Variants in ANKS1B observed in about 807,000 individuals in gnomAD.
The protein encoded by ANKS1B is ankyrin repeat and sterile alpha motif domain-containing protein 1B.
Under a neutral mutation model 148.3 loss-of-function variants are expected in ANKS1B, and 36 were observed. The observed-to-expected ratio is 0.24, with a 90% CI of 0.19 to 0.32. The LOEUF is 0.32. ANKS1B is among the 10% of genes least tolerant of loss of function. ANKS1B has a pLI of 1.00. For missense variants in ANKS1B, 1,157 were observed against 1,542.6 expected (o/e 0.75, Z 4.19); for synonymous variants, 542 against 560.8 (o/e 0.97, Z 0.47).
At position 99,460,732 on chromosome 12, in the gene ANKS1B, C is replaced by CA. The variant is rs201364516; in HGVS notation, c.1439-16924dup. Among the ~76,000 whole-genome samples the CA allele has an allele frequency of 2.2e-3, 313 of 142,488 alleles. 1 individual carries two copies. The highest frequency in any genetic ancestry group is 9.8e-3 in the South Asian group (44 of 4,496). 93.5% of individuals were successfully genotyped at this position (142,488 alleles called of 152,430 possible). ...ACTCCTGCAAGAATGGCCATAATAA[C>CA]AAAAAAAAAAAATGGATGTTAACAT... On this transcript the variant is annotated intron_variant, in intron 10 of 26. Transcript: ENST00000683438.
chr12:99,605,821 A>T (rs764837157), intron 9 of ANKS1B, among the ~76,000 whole-genome samples: 1 of 152,096 alleles, frequency 6.6e-6, no homozygotes, highest in Non-Finnish European at 1.5e-5. Flanking sequence ...TTTTTGACAC[A>T]CTGACTTCAT....
intron 1 of ANKS1B, among the ~76,000 whole-genome samples, chr12:99,932,844 G>A (rs1164882056): frequency 6.6e-6 from 1 of 152,110 alleles, no homozygotes; most frequent in African/African-American, 2.4e-5. Context: ...TCTTTGCCCA[G>A]TCCAATGTCC....
intron 1 of ANKS1B, among the ~76,000 whole-genome samples, chr12:99,903,189 T>A (rs956297369): frequency 1.3e-5 from 2 of 152,218 alleles, no homozygotes; most frequent in African/African-American, 4.8e-5. Context: ...GGTCTACCCA[T>A]GTGGTTTTGG....
At position 99,854,928 on chromosome 12, in the gene ANKS1B, C is replaced by T. The variant is rs1427686166; in HGVS notation, c.135-29539G>A. Reference sequence around the variant, plus strand: ...AATCTTGAAACAAATCCTCTAAATACACCAAAATAGAATCTCCTTAAAGCA... The same window carrying T: ...AATCTTGAAACAAATCCTCTAAATATACCAAAATAGAATCTCCTTAAAGCA... On this transcript the variant is annotated intron_variant, in intron 1 of 26. Coordinates refer to ENST00000683438, the MANE Select transcript of ANKS1B (RefSeq NM_001352186.2). Among the ~76,000 whole-genome samples, 3 of 151,922 alleles carry T rather than the reference C, an allele frequency of 2.0e-5. No homozygotes were observed. In the East Asian group the frequency reaches 5.8e-4, roughly 29 times the overall value.
At position 99,826,783 on chromosome 12, in the gene ANKS1B, A is replaced by T. The variant is rs527267797; in HGVS notation, c.135-1394T>A. 6.6e-5 allele frequency among the ~76,000 whole-genome samples: 10 copies of T among 152,108 alleles called. No homozygotes were observed. In the South Asian group the frequency reaches 2.1e-3, roughly 32 times the overall value. On this transcript the variant is annotated intron_variant, in intron 1 of 26. Coordinates refer to ENST00000683438, the MANE Select transcript of ANKS1B (RefSeq NM_001352186.2). ...TAAAATTCATATGAAACCATAAAAG[A>T]CCCCAAATAGCCAAAACAATTCTGA...
intron 10 of ANKS1B, among the ~76,000 whole-genome samples, chr12:99,488,388 A>T (rs993973965): frequency 6.6e-6 from 1 of 152,142 alleles, no homozygotes; most frequent in South Asian, 2.1e-4. Flanking sequence ...GGACATTTTA[A>T]TTAATAAATT....
At chr12:99,452,436 T>C (rs2095758293) in intron 10 of ANKS1B, among the ~76,000 whole-genome samples, 1 of 152,192 alleles carries the variant, frequency 6.6e-6, no homozygotes, top group Non-Finnish European at 1.5e-5. Flanking sequence ...AATTTGTCAT[T>C]TGTACAAAAA....
At chr12:98,986,681 C>T (rs1012691559) in intron 17 of ANKS1B, among the ~76,000 whole-genome samples, 3 of 152,132 alleles carry the variant, frequency 2.0e-5, no homozygotes, top group Admixed American at 6.5e-5. Context: ...GTGATATAAT[C>T]ATGGGTCACT....
chr12:99,088,349 T>A (rs1335874677), intron 15 of ANKS1B, among the ~76,000 whole-genome samples: 1 of 152,170 alleles, frequency 6.6e-6, no homozygotes, highest in Non-Finnish European at 1.5e-5. Flanking sequence ...CTTTGTAGGC[T>A]TCCTGGTCCT....
chr12:99,388,522 T>C (rs1228438702), intron 12 of ANKS1B, among the ~76,000 whole-genome samples: 1 of 152,200 alleles, frequency 6.6e-6, no homozygotes, highest in African/African-American at 2.4e-5. Flanking sequence ...AGACACTCTC[T>C]TTCCAAAATC....
intron 8 of ANKS1B, among the ~76,000 whole-genome samples, chr12:99,724,543 AACAG>A (rs1489972060): frequency 1.3e-5 from 2 of 152,184 alleles, no homozygotes; most frequent in South Asian, 2.1e-4. Flanking sequence ...GAGTACCTGA[AACAG>A]ACAGAGAAAA....
chr12:99,391,492 T>C (rs1386376609), intron 12 of ANKS1B, among the ~76,000 whole-genome samples: 1 of 152,224 alleles, frequency 6.6e-6, no homozygotes, highest in Non-Finnish European at 1.5e-5. Context: ...GCCTACTTAA[T>C]TCTTCTTTGT....
At chr12:99,372,682 ACACT>A (rs1406286946) in intron 12 of ANKS1B, among the ~76,000 whole-genome samples, 1 of 152,110 alleles carries the variant, frequency 6.6e-6, no homozygotes, top group Non-Finnish European at 1.5e-5. Context: ...ATCCATACAC[ACACT>A]CACGCACATT....
intron 15 of ANKS1B, among the ~76,000 whole-genome samples, chr12:99,133,149 T>G (rs2066716830): frequency 6.6e-6 from 1 of 151,608 alleles, no homozygotes; most frequent in East Asian, 1.9e-4. Flanking sequence ...CCTCCCAGGT[T>G]CAAGCAATTC....
intron 12 of ANKS1B, among the ~76,000 whole-genome samples, chr12:99,284,510 AG>A (rs2078866775): frequency 6.6e-6 from 1 of 152,282 alleles, no homozygotes; most frequent in Admixed American, 6.5e-5. Flanking sequence ...CAATCCCGAA[AG>A]CCATTCATTT....
chr12:99,192,314 T>C (rs2080844122), intron 14 of ANKS1B, among the ~76,000 whole-genome samples: 1 of 152,106 alleles, frequency 6.6e-6, no homozygotes, highest in Non-Finnish European at 1.5e-5. Flanking sequence ...GTATTTTCAG[T>C]TCAATACTTT....
At chr12:99,596,716 T>C (rs989766362) in intron 9 of ANKS1B, among the ~76,000 whole-genome samples, 4 of 151,980 alleles carry the variant, frequency 2.6e-5, no homozygotes, top group Admixed American at 6.6e-5. Flanking sequence ...ATAATTAAAA[T>C]GTTTATTACC....
intron 10 of ANKS1B, among the ~76,000 whole-genome samples, chr12:99,492,253 A>G (rs1354384014): frequency 3.9e-5 from 6 of 152,210 alleles, no homozygotes; most frequent in Non-Finnish European, 8.8e-5. Context: ...GCAAATAACC[A>G]TGAGAGGCAA....
chr12:99,019,854 TAA>T (rs904874118), intron 17 of ANKS1B, among the ~76,000 whole-genome samples: 2 of 152,198 alleles, frequency 1.3e-5, no homozygotes, highest in African/African-American at 4.8e-5. Context: ...CAAAATTATT[TAA>T]AAGTGTTGAA....
Sources: gnomAD v4.1 joint callset for allele counts (sites outside exome capture counted in the v4.1 genomes callset) on GRCh38, gnomAD v4.1.1 for gene constraint, MANE v1.5 for transcripts, NCBI Gene and HGNC (gene_info 2026-07-23, HGNC 2026-07-21) for gene names.